LSAMP: variants seen among roughly 807,000 people sequenced by gnomAD.
The protein encoded by LSAMP is limbic system associated membrane protein, also known as limbic system-associated membrane protein.
LSAMP carries 7 observed loss-of-function variants against 38.6 expected under a neutral mutation model. That is an observed-to-expected ratio of 0.18 (90% confidence interval 0.10 to 0.34). The LOEUF (loss-of-function observed/expected upper bound fraction) is 0.34, where lower values mean the gene tolerates loss of function less well. LSAMP is among the 10% of genes least tolerant of loss of function. The pLI, the probability that LSAMP is intolerant of heterozygous loss-of-function variation, is 1.00. For synonymous variants in LSAMP, 154 were observed against 166.8 expected (o/e 0.92, Z 0.59); for missense variants, 313 against 420.0 (o/e 0.75, Z 2.23).
rs184874733 is a variant in LSAMP at position 115,969,455 on chromosome 3, C to T, written c.514+50060G>A. Among the ~76,000 whole-genome samples, 6 of 152,262 alleles carry T rather than the reference C, an allele frequency of 3.9e-5. No homozygotes were observed. The East Asian group carries it at 1.2e-3, about 29-fold the overall frequency. On this transcript the variant is annotated intron_variant, in intron 3 of 6. Coordinates refer to ENST00000490035, the MANE Select transcript of LSAMP (RefSeq NM_002338.5). ...CCTTCATATTGAAGTACAATTGATA[C>T]AGCAGAGCACTTCTTCCTCTGCTTT...
At chr3:115,982,459 T>C (rs1355678322) in intron 3 of LSAMP, among the ~76,000 whole-genome samples, 1 of 152,190 alleles carries the variant, frequency 6.6e-6, no homozygotes, top group Non-Finnish European at 1.5e-5. Context: ...TTTACTTGTT[T>C]ATTTTAAATA....
chr3:116,045,001 A>G (rs1463213410), intron 2 of LSAMP, among the ~76,000 whole-genome samples: 1 of 152,214 alleles, frequency 6.6e-6, no homozygotes, highest in Non-Finnish European at 1.5e-5. Flanking sequence ...GCTTTGTAGC[A>G]AATGTCAGAC....
chr3:116,124,073 A>G (rs976039622), intron 1 of LSAMP, among the ~76,000 whole-genome samples: 1 of 152,282 alleles, frequency 6.6e-6, no homozygotes, highest in South Asian at 2.1e-4. Context: ...CATGCTTTTC[A>G]TATGTGTTGG....
At chr3:115,910,643 A>G (rs1292647240) in intron 3 of LSAMP, among the ~76,000 whole-genome samples, 1 of 152,178 alleles carries the variant, frequency 6.6e-6, no homozygotes, top group Non-Finnish European at 1.5e-5. Flanking sequence ...CAGAATTTCC[A>G]TCACTACAAG....
intron 3 of LSAMP, among the ~76,000 whole-genome samples, chr3:115,912,670 T>G (rs1475765780): frequency 1.3e-5 from 2 of 152,228 alleles, no homozygotes; most frequent in Non-Finnish European, 2.9e-5. Flanking sequence ...TTTGTTTGTT[T>G]GTTTGTTTTC....
intron 3 of LSAMP, among the ~76,000 whole-genome samples, chr3:115,898,785 G>GT (rs1456119941): frequency 6.6e-6 from 1 of 152,074 alleles, no homozygotes; most frequent in Non-Finnish European, 1.5e-5. Context: ...GTGCTTCCTT[G>GT]TTTGAAGGTT....
At chr3:116,252,321 CAGTA>C (rs1188412769) in intron 1 of LSAMP, among the ~76,000 whole-genome samples, 3 of 152,108 alleles carry the variant, frequency 2.0e-5, no homozygotes, top group Non-Finnish European at 4.4e-5. Context: ...AGAAAGAACT[CAGTA>C]ATCTCACACC....
At chr3:116,227,067 T>C (rs1309921325) in intron 1 of LSAMP, among the ~76,000 whole-genome samples, 1 of 152,214 alleles carries the variant, frequency 6.6e-6, no homozygotes, top group Non-Finnish European at 1.5e-5. Flanking sequence ...TTCAGGTTCC[T>C]CTAAAATCAA....
chr3:116,194,711 A>G (rs1710842813), intron 1 of LSAMP, among the ~76,000 whole-genome samples: 1 of 152,152 alleles, frequency 6.6e-6, no homozygotes, highest in Non-Finnish European at 1.5e-5. Context: ...ATTCCTAAAT[A>G]GCCCACTACG....
At chr3:116,079,757 T>A (rs905802279) in intron 2 of LSAMP, among the ~76,000 whole-genome samples, 2 of 151,420 alleles carry the variant, frequency 1.3e-5, no homozygotes, top group Non-Finnish European at 2.9e-5. Context: ...TACAGAAGAG[T>A]TTTGTCAAAA....
chr3:116,429,438 T>G (rs993380569), intron 1 of LSAMP, among the ~76,000 whole-genome samples: 6 of 152,156 alleles, frequency 3.9e-5, no homozygotes, highest in Non-Finnish European at 8.8e-5. Context: ...AGAAAAGTGG[T>G]TTTTTTTAAT....
At chr3:115,871,582 A>AGTGT (rs59830926) in intron 3 of LSAMP, among the ~76,000 whole-genome samples, 5,815 of 144,938 alleles carry the variant, frequency 0.04, 182 homozygotes, top group African/African-American at 0.091. Context: ...ACCAACGTGT[A>AGTGT]GTGTGTGTGT....
chr3:116,187,458 C>T (rs1247496272), intron 1 of LSAMP, among the ~76,000 whole-genome samples: 1 of 152,140 alleles, frequency 6.6e-6, no homozygotes, highest in African/African-American at 2.4e-5. Context: ...CCTTTTATTC[C>T]TTGTTTGCCT....
intron 1 of LSAMP, among the ~76,000 whole-genome samples, chr3:116,257,506 T>A (rs1182248800): frequency 1.3e-5 from 2 of 152,204 alleles, no homozygotes; most frequent in Non-Finnish European, 2.9e-5. Flanking sequence ...GTGACAGTTT[T>A]ATGAAACAAA....
chr3:116,382,522 G>T (rs2048574172), intron 1 of LSAMP, among the ~76,000 whole-genome samples: 1 of 129,360 alleles, frequency 7.7e-6, no homozygotes, highest in Non-Finnish European at 1.6e-5. Flanking sequence ...GGGGAGGGGG[G>T]AGGGATAGCA....
intron 1 of LSAMP, among the ~76,000 whole-genome samples, chr3:116,170,285 C>T (rs998953696): frequency 3.3e-5 from 5 of 151,150 alleles, no homozygotes; most frequent in Admixed American, 6.6e-5. Flanking sequence ...ATAAGCCAAT[C>T]GGAGGAAGCC....
chr3:115,955,841 T>C (rs1050746044), intron 3 of LSAMP, among the ~76,000 whole-genome samples: 4 of 152,212 alleles, frequency 2.6e-5, no homozygotes, highest in African/African-American at 9.6e-5. Flanking sequence ...TGAATGCTAT[T>C]GGTCCTGAGA....
At chr3:115,855,904 T>C (rs1353933341) in intron 3 of LSAMP, among the ~76,000 whole-genome samples, 1 of 152,190 alleles carries the variant, frequency 6.6e-6, no homozygotes, top group Non-Finnish European at 1.5e-5. Flanking sequence ...GATCCTCCAG[T>C]TGAAACTCTT....
chr3:115,831,177 G>T (rs1232093112), intron 6 of LSAMP, among the ~76,000 whole-genome samples: 1 of 152,148 alleles, frequency 6.6e-6, no homozygotes, highest in African/African-American at 2.4e-5. Flanking sequence ...GCCTGAACCT[G>T]AAAGATAATC....
Sources: gnomAD v4.1 joint callset for allele counts (sites outside exome capture counted in the v4.1 genomes callset) on GRCh38, gnomAD v4.1.1 for gene constraint, MANE v1.5 for transcripts, NCBI Gene and HGNC (gene_info 2026-07-23, HGNC 2026-07-21) for gene names.